The following MINK1 variants were observed in gnomAD, a reference collection of about 807,000 sequenced individuals.
MINK1 encodes misshapen like kinase 1, also known as misshapen-like kinase 1.
MINK1 carries 46 observed loss-of-function variants against 178.4 expected under a neutral mutation model. The ratio of observed to expected loss-of-function variants is 0.26; its 90% CI spans 0.20 to 0.33. The LOEUF is 0.33. MINK1 is among the 10% of genes least tolerant of loss of function. The pLI is 1.00. For synonymous variants in MINK1, 797 were observed against 709.7 expected (o/e 1.12, Z -1.96); for missense variants, 1,366 against 1,814.9 (o/e 0.75, Z 4.49).
intron 20 of MINK1, 66 bp downstream of exon 20, chr17:4,893,133 G>A: frequency 2.0e-6 from 3 of 1,516,538 alleles, no homozygotes; most frequent in Non-Finnish European, 2.7e-6. Flanking sequence ...CAGGGTGCTG[G>A]GTGTCAGGGG....
intron 1 of MINK1, among the ~76,000 whole-genome samples, chr17:4,864,191 G>T (rs1914592687): frequency 6.6e-6 from 1 of 151,178 alleles, no homozygotes; most frequent in African/African-American, 2.4e-5. Flanking sequence ...CCTGAGGTCG[G>T]GTGTTCGAGA....
chr17:4,848,885 A>G (rs947532544), intron 1 of MINK1, among the ~76,000 whole-genome samples: 2 of 152,202 alleles, frequency 1.3e-5, no homozygotes, highest in South Asian at 2.1e-4. Flanking sequence ...AAAGGGATGT[A>G]AAGTGCTTAG....
chr17:4,857,234 TG>T, intron 1 of MINK1: 1 of 279,932 alleles, frequency 3.6e-6, no homozygotes. Flanking sequence ...GGATCAGCTC[TG>T]GCCACATGAC....
At position 4,896,849 on chromosome 17, in the gene MINK1, C is replaced by G; in HGVS notation, c.3915+36C>G. 1 of 1,534,096 alleles carries G rather than the reference C, an allele frequency of 6.5e-7. No homozygotes were observed. The highest frequency in any genetic ancestry group is 1.4e-5 in the African/African-American group (1 of 72,500). ...CCTTCCCTCTGAAAGCCCTGCTGTC[C>G]CGGCTGCCATGACCCTAGGCCCCTG... On this transcript the variant is annotated intron_variant, in intron 31 of 31. Transcript: ENST00000355280. The surrounding 1 kb of genome is among the most constrained non-coding windows in gnomAD (Gnocchi z 4.6).
chr17:4,876,084 C>T (rs944968245), intron 1 of MINK1, among the ~76,000 whole-genome samples: 5 of 152,174 alleles, frequency 3.3e-5, no homozygotes, highest in Non-Finnish European at 5.9e-5. Flanking sequence ...CGTGAGCCAC[C>T]GCGCCCGGCC....
intron 1 of MINK1, among the ~76,000 whole-genome samples, chr17:4,874,130 T>C (rs1011828900): frequency 2.0e-5 from 3 of 152,226 alleles, no homozygotes; most frequent in Non-Finnish European, 4.4e-5. Flanking sequence ...ACTGCCACAT[T>C]TTCATATTTG....
In MINK1 at chr17:4,891,699, A is replaced by G. The variant is rs1968836134; in HGVS notation, c.1984A>G (p.Asn662Asp). ...TCCCCCAGCCTGGGTCCGCCCAGAT[A>G]ACGAGGCCCCACCCAAGGTAAGGAC... ...PNPPAWVRPDNEAPPKVPQRT... is the reference protein window; with the variant it reads ...PNPPAWVRPDDEAPPKVPQRT... Residue 662 changes from asparagine to aspartate, a missense_variant, in exon 16 of 32, where the codon AAC becomes GAC. Coordinates refer to ENST00000355280, the MANE Select transcript of MINK1 (RefSeq NM_153827.5). The G allele has an allele frequency of 6.2e-7, 1 of 1,603,094 alleles. No homozygotes were observed. The highest frequency in any genetic ancestry group is 8.5e-7 in the Non-Finnish European group (1 of 1,175,492).
At chr17:4,834,015 CCTTA>C (rs530936548) in intron 1 of MINK1, among the ~76,000 whole-genome samples, 29 of 152,240 alleles carry the variant, frequency 1.9e-4, no homozygotes, top group African/African-American at 6.3e-4. Flanking sequence ...CCACCTTTGC[CCTTA>C]CTTCTATCTT....
rs779185115 is a variant in MINK1 at position 4,896,740 on chromosome 17, C to A, written c.3842C>A (p.Thr1281Lys). ...EKAIEIRSVE[T>K]GHLDGVFMHK... is the part of the protein sequence containing the mutation. ...GCCATTGAGATCCGCTCTGTGGAGA[C>A]GGGCCACCTCGACGGGGTCTTCATG... is the stretch of plus-strand genomic sequence containing the variant. Residue 1281 changes from threonine (T) to lysine (K), a missense_variant, in exon 31 of 32, where the codon ACG becomes AAG. This residue lies in a region of MINK1 where 201 missense variants were observed against 240.7 expected (regional missense o/e 0.84). Transcript: ENST00000355280. The surrounding 1 kb of genome is among the most constrained non-coding windows in gnomAD (Gnocchi z 4.6). 1.2e-6 allele frequency: 2 copies of A among 1,602,634 alleles called. No individual in the cohort carries two copies. Among genetic ancestry groups the A allele is most frequent in the Middle Eastern group, 3.3e-4 (2 of 6,008 alleles).
intron 1 of MINK1, among the ~76,000 whole-genome samples, chr17:4,861,461 G>C (rs1191682258): frequency 4.6e-5 from 7 of 152,094 alleles, no homozygotes; most frequent in African/African-American, 1.4e-4. Context: ...TCCAACACTT[G>C]TATGGTATCT....
chr17:4,885,881 A>T lies in MINK1; in HGVS notation c.640-30A>T. 1 of 1,611,872 alleles carries T rather than the reference A, an allele frequency of 6.2e-7. No homozygotes were observed. Among genetic ancestry groups the T allele is most frequent in the Non-Finnish European group, 8.5e-7 (1 of 1,178,266 alleles). Reference sequence around the variant, plus strand: ...GTTGCAGGGCAGAGTTGTCAGGAATATTCACTTGTTCCTTCTTTCCCGTCT... The same window carrying T: ...GTTGCAGGGCAGAGTTGTCAGGAATTTTCACTTGTTCCTTCTTTCCCGTCT... On this transcript the variant is annotated intron_variant, in intron 7 of 31. Transcript: ENST00000355280. The surrounding 1 kb of genome is among the most constrained non-coding windows in gnomAD (Gnocchi z 5.0).
In MINK1 at chr17:4,885,440, G is replaced by A; in HGVS notation, c.509-43G>A. The A allele has an allele frequency of 1.2e-6, 2 of 1,607,202 alleles. No individual in the cohort carries two copies. Among genetic ancestry groups the A allele is most frequent in the South Asian group, 1.1e-5 (1 of 90,034 alleles). On this transcript the variant is annotated intron_variant, in intron 6 of 31. Transcript: ENST00000355280. The surrounding 1 kb of genome is among the most constrained non-coding windows in gnomAD (Gnocchi z 5.0). ...CGCAGGGATGTGAGGCAAGGGAGCAGAGGTGACTCCCCACACTGACCCCTC... is the reference window on the plus strand; with the variant it reads ...CGCAGGGATGTGAGGCAAGGGAGCAAAGGTGACTCCCCACACTGACCCCTC...
Position 4,887,493 on chromosome 17 carries a change from A to G in MINK1, c.1020-87A>G. On this transcript the variant is annotated intron_variant, in intron 11 of 31. Transcript: ENST00000355280. The surrounding 1 kb of genome is among the most constrained non-coding windows in gnomAD (Gnocchi z 7.6). ...GAGGCAGAGGCTTTGATCCAGTTAA[A>G]GCACCCACTCAGGCGGGCCCACGGG... The G allele has an allele frequency of 8.0e-7, 1 of 1,257,134 alleles. No homozygotes were observed. Among genetic ancestry groups the G allele is most frequent in the Non-Finnish European group, 1.1e-6 (1 of 925,488 alleles). 77.9% of individuals were successfully genotyped at this position (1,257,134 alleles called of 1,614,324 possible). A position where few individuals can be genotyped will look rare whatever the true frequency, so the allele number is the denominator to read the frequency against.
Position 4,885,759 on chromosome 17 carries a change from T to C in MINK1, c.639+146T>C, listed in dbSNP as rs1968144030. The C allele has an allele frequency of 3.6e-6, 5 of 1,394,810 alleles. No individual in the cohort carries two copies. The highest frequency in any genetic ancestry group is 4.9e-6 in the Non-Finnish European group (5 of 1,017,672). The allele number at this position is 1,394,810 out of a possible 1,614,324, so 86.4% of individuals were successfully genotyped here. A position where few individuals can be genotyped will look rare whatever the true frequency, so the allele number is the denominator to read the frequency against. On this transcript the variant is annotated intron_variant, in intron 7 of 31. Transcript: ENST00000355280. The surrounding 1 kb of genome is among the most constrained non-coding windows in gnomAD (Gnocchi z 5.0). ...GGGGAACATCTTACGGCAAGGCAAGTGTGGGTGGGAAGATGGGATGGGTTG... is the reference window on the plus strand; with the variant it reads ...GGGGAACATCTTACGGCAAGGCAAGCGTGGGTGGGAAGATGGGATGGGTTG...
At chr17:4,846,827 G>T (rs1911107680) in intron 1 of MINK1, among the ~76,000 whole-genome samples, 3 of 152,132 alleles carry the variant, frequency 2.0e-5, no homozygotes, top group Admixed American at 1.3e-4. Flanking sequence ...TGAGCCACAG[G>T]CTCGGCCCCA....
intron 4 of MINK1, among the ~76,000 whole-genome samples, chr17:4,884,065 C>T (rs560921064): frequency 6.8e-6 from 1 of 147,620 alleles, no homozygotes; most frequent in South Asian, 2.2e-4. Context: ...GTCTTGCTCA[C>T]CATGTTGGCC....
chr17:4,887,661 G>A lies in MINK1; in HGVS notation c.1101G>A (p.Glu367=). Residue 367 remains glutamate (E), a synonymous_variant, in exon 12 of 32, where the codon GAG becomes GAA. Transcript: ENST00000355280. The surrounding 1 kb of genome is among the most constrained non-coding windows in gnomAD (Gnocchi z 7.6). ...AGCAGGAAAATAAGAGCAACTCAGA[G>A]GCTTTAAAACAGCAGCAGCAGCTGC... ...RLQQENKSNS[E]ALKQQQQLQQ... 3 of 1,568,258 alleles carry A rather than the reference G, an allele frequency of 1.9e-6. No homozygotes were observed. The highest frequency in any genetic ancestry group is 2.6e-6 in the Non-Finnish European group (3 of 1,158,106).
chr17:4,874,797 G>A (rs1005141654), intron 1 of MINK1, among the ~76,000 whole-genome samples: 8 of 152,104 alleles, frequency 5.3e-5, no homozygotes, highest in Non-Finnish European at 8.8e-5. Context: ...TCAGGAAACC[G>A]ACTTGAAACC....
chr17:4,834,664 T>C (rs550407222), intron 1 of MINK1: 1 of 469,464 alleles, frequency 2.1e-6, no homozygotes, highest in East Asian at 5.8e-5. Context: ...AGGGGCAACT[T>C]AGTGATTTCA....
Sources: allele counts gnomAD v4.1 joint callset (sites outside exome capture counted in the v4.1 genomes callset), GRCh38; gene constraint gnomAD v4.1.1; regional missense constraint gnomAD v4.1.1; non-coding constraint Gnocchi (gnomAD v3.1); transcripts MANE v1.5; gene names NCBI Gene and HGNC (gene_info 2026-07-23, HGNC 2026-07-21).